UCKL1: variants seen among roughly 807,000 people sequenced by gnomAD.
UCKL1 encodes uridine-cytidine kinase 1 like 1.
UCKL1 carries 65 observed loss-of-function variants against 59.2 expected under a neutral mutation model. That is an observed-to-expected ratio of 1.10 (90% CI 0.90 to 1.35). The LOEUF (loss-of-function observed/expected upper bound fraction) is 1.35, where lower values mean the gene tolerates loss of function less well. Ranked by LOEUF, UCKL1 falls within the 40% of genes most tolerant of loss-of-function variation. UCKL1 has a pLI of 0.00. For synonymous variants in UCKL1, 410 were observed against 323.1 expected, an observed-to-expected ratio of 1.27 and a Z score of -2.88; for missense variants, 703 against 784.3, an observed-to-expected ratio of 0.90 and a Z score of 1.24.
chr20:63,946,489 C>T lies in UCKL1; in HGVS notation c.268G>A (p.Glu90Lys). ...GCCTCTTTGGATTGCGTGCCGTGTT[C>T]ATTGTACCAGGGCGGCCGCCCGGCG... Reference protein sequence around the residue: ...YTAGRPPWYNEHGTQSKEAFA... With the variant: ...YTAGRPPWYNKHGTQSKEAFA... The change falls in exon 2 of 15, where the codon GAA becomes AAA. Residue 90 changes from glutamate to lysine, a missense_variant. Glu to Lys is a moderately conservative substitution (Grantham distance 56). Coordinates refer to ENST00000354216, the MANE Select transcript of UCKL1 (RefSeq NM_017859.4). 1 of 1,582,466 alleles carries T rather than the reference C, an allele frequency of 6.3e-7. No homozygotes were observed.
At chr20:63,941,073 G>A (rs1352701247) in intron 9 of UCKL1, 30 bp from the exon 10 acceptor site, 1 of 1,599,602 alleles carries the variant, frequency 6.3e-7, no homozygotes. Context: ...GCGGGAGCAC[G>A]CGCCCGGGGC....
intron 8 of UCKL1, 135 bp downstream of exon 8, chr20:63,943,518 C>T: frequency 7.6e-7 from 1 of 1,312,436 alleles, no homozygotes; most frequent in Admixed American, 1.9e-5. Context: ...AGAAGCAGGG[C>T]TGGGACCACT....
rs922533040 is a variant in UCKL1 at position 63,945,981 on chromosome 20, G to A, written c.412-6C>T. ...TGCTGCTGCTCAGTCAGCACCTGGT[G>A]GGGGAGGCTGTGGAGCAGCTGTGGG... On this transcript the variant is annotated splice_region_variant and splice_polypyrimidine_tract_variant and intron_variant, in intron 3 of 14. Coordinates refer to ENST00000354216, the MANE Select transcript of UCKL1 (RefSeq NM_017859.4). 4 of 1,613,578 alleles carry A rather than the reference G, an allele frequency of 2.5e-6. No individual in the cohort carries two copies. Among genetic ancestry groups the A allele is most frequent in the Non-Finnish European group, 3.4e-6 (4 of 1,179,976 alleles).
At chr20:63,941,392 C>T in intron 8 of UCKL1, 184 bp from the exon 9 acceptor site, 1 of 889,098 alleles carries the variant, frequency 1.1e-6, no homozygotes, top group Admixed American at 2.8e-5. Flanking sequence ...CCTGAGCTGT[C>T]AGGCAAAGGC....
intron 1 of UCKL1, among the ~76,000 whole-genome samples, chr20:63,949,282 G>A (rs2057200180): frequency 6.6e-6 from 1 of 152,194 alleles, no homozygotes; most frequent in Non-Finnish European, 1.5e-5. Context: ...AGACGACCAG[G>A]CGAGGGCGGC....
At chr20:63,943,180 G>A (rs1214329392) in intron 8 of UCKL1, among the ~76,000 whole-genome samples, 2 of 152,236 alleles carry the variant, frequency 1.3e-5, no homozygotes, top group South Asian at 4.1e-4. Flanking sequence ...ACAGAGCTGG[G>A]GCAAGCAGGA....
At chr20:63,946,058 G>A in intron 3 of UCKL1, 83 bp from the exon 4 acceptor site, 1 of 1,609,548 alleles carries the variant, frequency 6.2e-7, no homozygotes, top group Non-Finnish European at 8.5e-7. Flanking sequence ...AGGCCTCCCA[G>A]GAGCAGCCAC....
In UCKL1 at chr20:63,946,619, C is replaced by T. The variant is rs771872998; in HGVS notation, c.138G>A (p.Arg46=). The T allele has an allele frequency of 2.3e-5, 37 of 1,609,586 alleles. No homozygotes were observed. The East Asian group carries it at 7.6e-4, about 33-fold the overall frequency. ...GCCCAGTGCCCACAGGTGGCAGGAG[C>T]CTGTCCAGGGACTCTGCATTGCTGC... ...EDRSNAESLD[R]LLPPVGTGRS... is the part of the protein sequence containing the mutation. The change falls in exon 2 of 15, where the codon AGG becomes AGA. Residue 46 remains arginine (R), a synonymous_variant. Transcript: ENST00000354216.
In UCKL1 at chr20:63,946,130, G is replaced by A. The variant is rs755859547; in HGVS notation, c.411+31C>T. Reference sequence around the variant, plus strand: ...GTCCAGGGTCAGGGAGAGGACAAAGGGGTCCTCGGGGGAGCTGGGCGGGGG... The same window carrying A: ...GTCCAGGGTCAGGGAGAGGACAAAGAGGTCCTCGGGGGAGCTGGGCGGGGG... On this transcript the variant is annotated intron_variant, in intron 3 of 14. Transcript: ENST00000354216. 42 of 1,606,508 alleles carry A rather than the reference G, an allele frequency of 2.6e-5. No homozygotes were observed. The Admixed American group carries it at 6.9e-4, about 26-fold the overall frequency.
chr20:63,940,067 G>GC lies in UCKL1; in HGVS notation c.1568-13_1568-12insG, dbSNP rs763621453. 11 of 1,147,032 alleles carry GC rather than the reference G, an allele frequency of 9.6e-6. No homozygotes were observed. The highest frequency in any genetic ancestry group is 1.3e-5 in the Non-Finnish European group (11 of 836,224). The allele number at this position is 1,147,032 out of a possible 1,614,324, so 71.1% of individuals were successfully genotyped here. ...GTCGCCAAAGTTCCCTGGAAAAAGG[G>GC]GGGGGGGGGTCCAGTGTGGTGGGGC... On this transcript the variant is annotated splice_polypyrimidine_tract_variant and intron_variant, in intron 14 of 14. Transcript: ENST00000354216.
At chr20:63,950,283 T>G (rs1271468336) in intron 1 of UCKL1, among the ~76,000 whole-genome samples, 2 of 152,094 alleles carry the variant, frequency 1.3e-5, no homozygotes, top group African/African-American at 4.8e-5. Context: ...GCAGCACCCC[T>G]TGACAGGAAA....
intron 1 of UCKL1, chr20:63,950,621 C>T: frequency 9.5e-7 from 1 of 1,050,892 alleles, no homozygotes; most frequent in South Asian, 2.2e-5. Context: ...ACCCTGGGCT[C>T]TGCCCGGTGC....
intron 1 of UCKL1, chr20:63,948,122 G>A (rs576236665): frequency 2.0e-5 from 3 of 152,436 alleles, no homozygotes; most frequent in South Asian, 2.1e-4. Context: ...CACTGCCCAG[G>A]AGACACCGAG....
intron 8 of UCKL1, chr20:63,941,638 C>T: frequency 4.4e-6 from 1 of 225,324 alleles, no homozygotes; most frequent in Non-Finnish European, 9.9e-6. Flanking sequence ...CGCCCTGGCT[C>T]CTCCCCGAGG....
intron 1 of UCKL1, among the ~76,000 whole-genome samples, chr20:63,948,711 G>A (rs1166678713): frequency 1.3e-5 from 2 of 149,216 alleles, no homozygotes. Flanking sequence ...GTAAGGGAGG[G>A]GGTGTGTGTG....
rs2058670999 is a variant in UCKL1, at chr20:63,956,355, G to A, written c.18C>T (p.Ala6=). The A allele has an allele frequency of 2.0e-6, 3 of 1,533,330 alleles. No individual in the cohort carries two copies. The highest frequency in any genetic ancestry group is 1.2e-5 in the South Asian group (1 of 82,680). The allele number at this position is 1,533,330 out of a possible 1,614,324, so 95.0% of individuals were successfully genotyped here. The part of the protein sequence containing the change: MAAPP[A]RADADPSPTS... ...TGGGCGAAGGATCAGCGTCCGCGCG[G>A]GCCGGGGGCGCAGCCATGGCGCTCG... The change falls in exon 1 of 15, where the codon GCC becomes GCT. Residue 6 remains alanine (A), a synonymous_variant. Coordinates refer to ENST00000354216, the MANE Select transcript of UCKL1 (RefSeq NM_017859.4).
At chr20:63,941,236 A>C in intron 8 of UCKL1, 28 bp from the exon 9 acceptor site, 1 of 1,475,786 alleles carries the variant, frequency 6.8e-7, no homozygotes, top group Non-Finnish European at 9.0e-7. Context: ...GGGAACACTC[A>C]AGAAGGGGGT....
intron 8 of UCKL1, chr20:63,942,716 C>G: frequency 2.0e-6 from 1 of 493,946 alleles, no homozygotes; most frequent in South Asian, 1.5e-5. Flanking sequence ...AGCCACAGGC[C>G]AACACTTCCT....
intron 5 of UCKL1, 65 bp from the exon 6 acceptor site, chr20:63,944,799 A>G (rs540885289): frequency 4.2e-4 from 657 of 1,582,308 alleles, no homozygotes; most frequent in Non-Finnish European, 5.2e-4. Context: ...CACTGGGACC[A>G]GCCCCTGCAC....
Sources: gnomAD v4.1 joint callset for allele counts (sites outside exome capture counted in the v4.1 genomes callset) on GRCh38, gnomAD v4.1.1 for gene constraint, MANE v1.5 for transcripts, NCBI Gene and HGNC (gene_info 2026-07-23, HGNC 2026-07-21) for gene names.